The following CNTN5 variants were observed in gnomAD, a reference collection of about 807,000 sequenced individuals.
CNTN5 encodes the protein contactin-5.
Under a neutral mutation model 129.1 loss-of-function variants are expected in CNTN5, and 77 were observed. The ratio of observed to expected loss-of-function variants is 0.60; its 90% confidence interval spans 0.50 to 0.72. CNTN5 has a LOEUF of 0.72. Ranked by LOEUF, CNTN5 falls within the 30% of genes least tolerant of loss-of-function variation. The pLI, the probability that CNTN5 is intolerant of heterozygous loss-of-function variation, is 0.00. For missense variants in CNTN5, 1,478 were observed against 1,328.8 expected (o/e 1.11, Z -1.75); for synonymous variants, 509 against 465.6 (o/e 1.09, Z -1.20).
chr11:99,438,097 A>G (rs1943671151), intron 2 of CNTN5, among the ~76,000 whole-genome samples: 1 of 152,230 alleles, frequency 6.6e-6, no homozygotes, highest in Non-Finnish European at 1.5e-5. Flanking sequence ...GTAAAGGTTT[A>G]TTCATGCTAG....
chr11:99,286,630 T>G (rs2135906483), intron 1 of CNTN5, among the ~76,000 whole-genome samples: 1 of 152,222 alleles, frequency 6.6e-6, no homozygotes, highest in Non-Finnish European at 1.5e-5. Flanking sequence ...TCAAATATAA[T>G]AACAAAAGAA....
At chr11:99,598,687 G>C (rs1416533901) in intron 3 of CNTN5, among the ~76,000 whole-genome samples, 1 of 151,772 alleles carries the variant, frequency 6.6e-6, no homozygotes, top group African/African-American at 2.4e-5. Context: ...AGATGGGAAG[G>C]TGCCAGTGAT....
At chr11:99,672,414 G>A (rs1732587423) in intron 3 of CNTN5, among the ~76,000 whole-genome samples, 1 of 151,826 alleles carries the variant, frequency 6.6e-6, no homozygotes, top group Non-Finnish European at 1.5e-5. Context: ...TGTGATGATG[G>A]AGTTCTGGTA....
chr11:99,771,885 G>A (rs1403254074), intron 3 of CNTN5, among the ~76,000 whole-genome samples: 1 of 151,734 alleles, frequency 6.6e-6, no homozygotes, highest in Non-Finnish European at 1.5e-5. Context: ...TAAAGAAAGG[G>A]AAATGGTGTG....
chr11:99,075,107 GT>G (rs1201313359), intron 1 of CNTN5, among the ~76,000 whole-genome samples: 1 of 152,150 alleles, frequency 6.6e-6, no homozygotes, highest in Non-Finnish European at 1.5e-5. Context: ...ATTATTCACT[GT>G]TTTTACAAAA....
At position 99,382,884 on chromosome 11, in the gene CNTN5, T is replaced by A. The variant is rs1467881958; in HGVS notation, c.-71+57400T>A. Among the ~76,000 whole-genome samples the A allele has an allele frequency of 5.0e-5, 6 of 120,890 alleles. No homozygotes were observed. In the Admixed American group the frequency reaches 6.2e-4, roughly 12 times the overall value. The allele number at this position is 120,890 out of a possible 152,430, so 79.3% of individuals were successfully genotyped here. A position where few individuals can be genotyped will look rare whatever the true frequency, so the allele number is the denominator to read the frequency against. ...TTTTTTTTTTTTTTTTTAGACAGAG[T>A]CTCGCTCTGTCTCCCAGGCTGGAGT... On this transcript the variant is annotated intron_variant, in intron 2 of 24. Transcript: ENST00000524871.
intron 3 of CNTN5, among the ~76,000 whole-genome samples, chr11:99,640,380 G>A (rs1336527268): frequency 2.6e-5 from 4 of 152,146 alleles, no homozygotes; most frequent in East Asian, 3.9e-4. Flanking sequence ...ATGGTGGGAG[G>A]CAAAAGAGAA....
At chr11:100,285,930 G>A (rs568114746) in intron 18 of CNTN5, among the ~76,000 whole-genome samples, 29 of 152,320 alleles carry the variant, frequency 1.9e-4, no homozygotes, top group East Asian at 5.8e-4. Flanking sequence ...AGGGCGAGGC[G>A]TTGCCTCACT....
At chr11:99,929,239 A>C (rs543146850) in intron 7 of CNTN5, among the ~76,000 whole-genome samples, 16 of 152,304 alleles carry the variant, frequency 1.1e-4, no homozygotes, top group African/African-American at 3.6e-4. Flanking sequence ...GGAGGTTCCA[A>C]ACTTTCCCCC....
chr11:99,607,301 C>T (rs1168580087), intron 3 of CNTN5, among the ~76,000 whole-genome samples: 1 of 120,800 alleles, frequency 8.3e-6, no homozygotes, highest in Non-Finnish European at 1.8e-5. Context: ...CATGAACAGA[C>T]ACTTCTCAAA....
chr11:99,092,405 TA>T (rs2135321802), intron 1 of CNTN5, among the ~76,000 whole-genome samples: 1 of 152,204 alleles, frequency 6.6e-6, no homozygotes, highest in Non-Finnish European at 1.5e-5. Context: ...ACATCATTTT[TA>T]TGGAACAAAG....
intron 4 of CNTN5, among the ~76,000 whole-genome samples, chr11:99,840,090 A>G (rs1204464485): frequency 2.6e-5 from 4 of 152,116 alleles, no homozygotes; most frequent in African/African-American, 9.7e-5. Flanking sequence ...TCCATGCATA[A>G]AATCTGGTCA....
chr11:99,685,764 G>A (rs1272205808), intron 3 of CNTN5, among the ~76,000 whole-genome samples: 2 of 151,818 alleles, frequency 1.3e-5, no homozygotes, highest in Non-Finnish European at 2.9e-5. Context: ...AAGGCTGACG[G>A]TCCTTGCATT....
intron 1 of CNTN5, among the ~76,000 whole-genome samples, chr11:99,298,622 TTATAA>T (rs1262826343): frequency 6.6e-6 from 1 of 152,180 alleles, no homozygotes; most frequent in Non-Finnish European, 1.5e-5. Flanking sequence ...ACCAAAGTTG[TTATAA>T]TATATTATCT....
intron 3 of CNTN5, among the ~76,000 whole-genome samples, chr11:99,649,726 T>C (rs1043244489): frequency 8.1e-6 from 1 of 122,810 alleles, no homozygotes; most frequent in African/African-American, 2.7e-5. Context: ...AAGAAGGAAA[T>C]TTTTAGTGAA....
At chr11:100,317,100 C>A (rs540374630) in intron 21 of CNTN5, among the ~76,000 whole-genome samples, 1 of 152,324 alleles carries the variant, frequency 6.6e-6, no homozygotes, top group South Asian at 2.1e-4. Flanking sequence ...ACTGAAAGGA[C>A]AGCAATTGTG....
chr11:99,891,117 T>G (rs1479193237), intron 6 of CNTN5, among the ~76,000 whole-genome samples: 1 of 152,088 alleles, frequency 6.6e-6, no homozygotes, highest in Admixed American at 6.6e-5. Flanking sequence ...AGGTCAAAAC[T>G]TAGGAAATCT....
intron 1 of CNTN5, among the ~76,000 whole-genome samples, chr11:99,167,902 AC>A (rs1860952043): frequency 6.6e-6 from 1 of 151,854 alleles, no homozygotes. Context: ...ATTAGATCTG[AC>A]CCCAAAGCCT....
intron 3 of CNTN5, among the ~76,000 whole-genome samples, chr11:99,816,669 T>G (rs914490708): frequency 6.6e-6 from 1 of 152,222 alleles, no homozygotes; most frequent in African/African-American, 2.4e-5. Context: ...TTATTTGGTC[T>G]TGTTCAAATA....
Sources: allele counts gnomAD v4.1 joint callset (sites outside exome capture counted in the v4.1 genomes callset), GRCh38; gene constraint gnomAD v4.1.1; transcripts MANE v1.5; gene names NCBI Gene and HGNC (gene_info 2026-07-23, HGNC 2026-07-21).